Variants in MAGI2 observed in about 807,000 individuals in gnomAD.
The protein encoded by MAGI2 is membrane associated guanylate kinase, WW and PDZ domain containing 2.
MAGI2 carries 35 observed loss-of-function variants against 133.3 expected under a neutral mutation model. The observed-to-expected ratio is 0.26, with a 90% CI of 0.20 to 0.35. MAGI2 has a LOEUF of 0.35. MAGI2 is among the 10% of genes least tolerant of loss of function. MAGI2 has a pLI of 1.00. For synonymous variants in MAGI2, 729 were observed against 710.6 expected (o/e 1.03, Z -0.41); for missense variants, 1,636 against 1,863.4 (o/e 0.88, Z 2.25).
chr7:79,404,851 C>T lies in MAGI2; in HGVS notation c.301+48169G>A, dbSNP rs535730653. Among the ~76,000 whole-genome samples, 108 of 152,262 alleles carry T rather than the reference C, an allele frequency of 7.1e-4. 5 individuals are homozygous for T. In the South Asian group the frequency reaches 0.022, roughly 31 times the overall value. On this transcript the variant is annotated intron_variant, in intron 1 of 21. Coordinates refer to ENST00000354212, the MANE Select transcript of MAGI2 (RefSeq NM_012301.4). The stretch of plus-strand genomic sequence containing the variant: ...CTTCCAAGCATTTTCCTTAGGTCCA[C>T]CTTCCTAAGGGGAACGTTCTTACCC...
intron 1 of MAGI2, among the ~76,000 whole-genome samples, chr7:79,189,801 T>C (rs2129551051): frequency 6.6e-6 from 1 of 151,774 alleles, no homozygotes; most frequent in Admixed American, 6.6e-5. Context: ...CTCCCACCCC[T>C]GACAACCATG....
chr7:78,074,280 C>T (rs185156028), intron 21 of MAGI2, among the ~76,000 whole-genome samples: 134 of 152,258 alleles, frequency 8.8e-4, no homozygotes, highest in African/African-American at 2.9e-3. Flanking sequence ...TCTGACAGAT[C>T]GCCTTTGGTA....
chr7:78,675,661 C>T lies in MAGI2; in HGVS notation c.419-48422G>A, dbSNP rs537648299. On this transcript the variant is annotated intron_variant, in intron 2 of 21. Transcript: ENST00000354212. ...ATCTCACCTAGAAATTCCTATGTTG[C>T]CGCCACACAGATGAGGTAATATAAA... Among the ~76,000 whole-genome samples the T allele has an allele frequency of 3.3e-5, 5 of 152,176 alleles. No individual in the cohort carries two copies. The South Asian group carries it at 8.3e-4, about 25-fold the overall frequency.
At chr7:79,252,187 A>C (rs1833349766) in intron 1 of MAGI2, among the ~76,000 whole-genome samples, 1 of 151,250 alleles carries the variant, frequency 6.6e-6, no homozygotes, top group Non-Finnish European at 1.5e-5. Flanking sequence ...AAGAAGAAGA[A>C]GAAAAAGAAG....
intron 1 of MAGI2, among the ~76,000 whole-genome samples, chr7:79,265,001 A>T (rs541583473): frequency 1.3e-5 from 2 of 152,208 alleles, no homozygotes; most frequent in South Asian, 4.1e-4. Context: ...CCATGACCCC[A>T]CCACCTCCCA....
At chr7:78,075,154 T>C (rs549020406) in intron 21 of MAGI2, among the ~76,000 whole-genome samples, 84 of 152,322 alleles carry the variant, frequency 5.5e-4, no homozygotes, top group African/African-American at 1.9e-3. Context: ...TCACCGGCTC[T>C]AGTGAAAACC....
chr7:78,082,998 G>A (rs993560626), intron 20 of MAGI2, among the ~76,000 whole-genome samples: 2 of 143,692 alleles, frequency 1.4e-5, no homozygotes, highest in African/African-American at 5.2e-5. Context: ...TAAGAAGATC[G>A]ACTTATCGGG....
chr7:78,711,940 C>T (rs775325986), intron 2 of MAGI2, among the ~76,000 whole-genome samples: 1 of 152,108 alleles, frequency 6.6e-6, no homozygotes, highest in Non-Finnish European at 1.5e-5. Context: ...ATGGCACCAA[C>T]AACTTAAAGA....
At chr7:78,116,517 A>G (rs1048320984) in intron 20 of MAGI2, among the ~76,000 whole-genome samples, 1 of 152,240 alleles carries the variant, frequency 6.6e-6, no homozygotes. Context: ...ATGATTAATA[A>G]AGAAAAATGG....
chr7:79,082,899 T>C (rs1186395410), intron 1 of MAGI2, among the ~76,000 whole-genome samples: 1 of 151,920 alleles, frequency 6.6e-6, no homozygotes, highest in African/African-American at 2.4e-5. Context: ...CAATGTTTTG[T>C]TTTGTACATT....
intron 9 of MAGI2, among the ~76,000 whole-genome samples, chr7:78,315,964 A>AGCC (rs1315556256): frequency 2.0e-5 from 3 of 152,080 alleles, no homozygotes; most frequent in Admixed American, 6.6e-5. Flanking sequence ...TCTTCCTTTA[A>AGCC]ACCTTTTCAT....
At chr7:78,042,841 G>A (rs1810996458) in intron 21 of MAGI2, among the ~76,000 whole-genome samples, 1 of 152,216 alleles carries the variant, frequency 6.6e-6, no homozygotes, top group African/African-American at 2.4e-5. Flanking sequence ...CAGAGCTGGG[G>A]ACATCTGGGG....
intron 1 of MAGI2, among the ~76,000 whole-genome samples, chr7:79,425,907 C>A (rs550228306): frequency 6.6e-6 from 1 of 152,012 alleles, no homozygotes; most frequent in African/African-American, 2.4e-5. Context: ...AAAAGCTGCA[C>A]CAGGAAAACT....
chr7:78,697,824 T>A lies in MAGI2; in HGVS notation c.419-70585A>T, dbSNP rs372472753. Among the ~76,000 whole-genome samples, 4 of 152,168 alleles carry A rather than the reference T, an allele frequency of 2.6e-5. No homozygotes were observed. The South Asian group carries it at 6.2e-4, about 24-fold the overall frequency. ...GTCTACATTGCCTTTCCCCATCCTC[T>A]CTCATCCTTAAATGATGAATACACT... is the stretch of plus-strand genomic sequence containing the variant. On this transcript the variant is annotated intron_variant, in intron 2 of 21. Coordinates refer to ENST00000354212, the MANE Select transcript of MAGI2 (RefSeq NM_012301.4).
At chr7:79,370,436 T>C (rs1842977438) in intron 1 of MAGI2, among the ~76,000 whole-genome samples, 1 of 151,948 alleles carries the variant, frequency 6.6e-6, no homozygotes, top group Non-Finnish European at 1.5e-5. Flanking sequence ...TAGCACAATG[T>C]AAGTAACAAA....
At chr7:79,127,917 G>T (rs1176987042) in intron 1 of MAGI2, among the ~76,000 whole-genome samples, 4 of 152,140 alleles carry the variant, frequency 2.6e-5, no homozygotes, top group African/African-American at 4.8e-5. Context: ...TTCTTCTAGG[G>T]TTTTCATGGT....
At chr7:78,797,434 A>T (rs1490247356) in intron 2 of MAGI2, among the ~76,000 whole-genome samples, 1 of 152,156 alleles carries the variant, frequency 6.6e-6, no homozygotes, top group Non-Finnish European at 1.5e-5. Context: ...TGGGGAATTC[A>T]GCTTCAAAAA....
chr7:78,909,375 C>T (rs1798219107), intron 2 of MAGI2, among the ~76,000 whole-genome samples: 1 of 149,332 alleles, frequency 6.7e-6, no homozygotes, highest in African/African-American at 2.5e-5. Flanking sequence ...GGGTGGATCA[C>T]GAGGTCAGGA....
intron 20 of MAGI2, among the ~76,000 whole-genome samples, chr7:78,090,095 A>C (rs772438130): frequency 1.1e-4 from 16 of 151,924 alleles, no homozygotes; most frequent in Non-Finnish European, 2.1e-4. Context: ...GGATCCTTCA[A>C]TCCCATCTCC....
Sources: allele counts gnomAD v4.1 joint callset (sites outside exome capture counted in the v4.1 genomes callset), GRCh38; gene constraint gnomAD v4.1.1; transcripts MANE v1.5; gene names NCBI Gene and HGNC (gene_info 2026-07-23, HGNC 2026-07-21).